The following NCOA1 variants were observed in gnomAD, a reference collection of about 807,000 sequenced individuals.
The protein encoded by NCOA1 is nuclear receptor coactivator 1, also known as Hin-2 protein.
In NCOA1, 35 loss-of-function variants were observed where a neutral mutation model predicts 150.9. The ratio of observed to expected loss-of-function variants is 0.23; its 90% CI spans 0.18 to 0.31. The LOEUF (loss-of-function observed/expected upper bound fraction) is 0.31, where lower values mean the gene tolerates loss of function less well. Ranked by LOEUF, NCOA1 falls within the 10% of genes least tolerant of loss-of-function variation. The pLI is 1.00. For missense variants in NCOA1, 1,491 were observed against 1,749.3 expected (o/e 0.85, Z 2.63); for synonymous variants, 590 against 630.0 (o/e 0.94, Z 0.95).
intron 3 of NCOA1, among the ~76,000 whole-genome samples, chr2:24,603,133 G>A (rs139496319): frequency 6.6e-5 from 10 of 152,208 alleles, no homozygotes; most frequent in African/African-American, 1.2e-4. Context: ...TAAAAGTTAC[G>A]TTTATGCTAT....
chr2:24,747,810 G>GA (rs59231013), intron 19 of NCOA1, among the ~76,000 whole-genome samples: 26 of 149,892 alleles, frequency 1.7e-4, no homozygotes, highest in East Asian at 9.8e-4. Context: ...AGTCATAAAT[G>GA]AAAAAAAAAA....
At chr2:24,728,999 A>G (rs1662854599) in intron 16 of NCOA1, among the ~76,000 whole-genome samples, 1 of 152,264 alleles carries the variant, frequency 6.6e-6, no homozygotes, top group Admixed American at 6.5e-5. Context: ...GCACACGCGC[A>G]CGCGCGCAAT....
rs188584554 is a variant in NCOA1, at chr2:24,707,968, A to G, written c.2418+80A>G. The G allele has an allele frequency of 7.6e-6, 11 of 1,445,968 alleles. No individual in the cohort carries two copies. The East Asian group carries it at 2.4e-4, about 32-fold the overall frequency. The allele number at this position is 1,445,968 out of a possible 1,614,324, so 89.6% of individuals were successfully genotyped here. The stretch of plus-strand genomic sequence containing the variant: ...TTATTCTATTCCATCTGTAGACCAG[A>G]TATGAATTCATACTATGTTTTATCC... On this transcript the variant is annotated intron_variant, in intron 13 of 22. Coordinates refer to ENST00000348332, the MANE Select transcript of NCOA1 (RefSeq NM_003743.5).
chr2:24,659,389 T>C (rs994274968), intron 5 of NCOA1, among the ~76,000 whole-genome samples: 2 of 152,184 alleles, frequency 1.3e-5, no homozygotes, highest in Admixed American at 1.3e-4. Context: ...ATTTGGTTTG[T>C]TATAAGGAAT....
At chr2:24,635,988 T>C (rs1669924432) in intron 3 of NCOA1, among the ~76,000 whole-genome samples, 1 of 152,170 alleles carries the variant, frequency 6.6e-6, no homozygotes, top group Non-Finnish European at 1.5e-5. Context: ...CACCTTAATA[T>C]GGAATTTACC....
At chr2:24,522,864 A>T (rs1485301551) in intron 1 of NCOA1, among the ~76,000 whole-genome samples, 1 of 152,162 alleles carries the variant, frequency 6.6e-6, no homozygotes, top group African/African-American at 2.4e-5. Context: ...TTTAGATTGC[A>T]TTTGTCTTAA....
At chr2:24,509,310 G>A (rs1430615595) in intron 1 of NCOA1, among the ~76,000 whole-genome samples, 5 of 152,194 alleles carry the variant, frequency 3.3e-5, no homozygotes, top group African/African-American at 1.2e-4. Context: ...TCAAGCCCTT[G>A]CTTGACTCCA....
rs956316306 is a variant in NCOA1 at position 24,725,782 on chromosome 2, A to G, written c.2600-807A>G. 2.6e-5 allele frequency among the ~76,000 whole-genome samples: 4 copies of G among 151,820 alleles called. No individual in the cohort carries two copies. In the East Asian group the frequency reaches 7.7e-4, roughly 29 times the overall value. The stretch of plus-strand genomic sequence containing the variant: ...CCAGAATTTTTTTATATTAATATAT[A>G]TGAAATAGTTTATAAAAACAGAGTC... On this transcript the variant is annotated intron_variant, in intron 14 of 22. Coordinates refer to ENST00000348332, the MANE Select transcript of NCOA1 (RefSeq NM_003743.5).
intron 4 of NCOA1, among the ~76,000 whole-genome samples, chr2:24,658,111 C>G (rs1180470372): frequency 3.3e-5 from 5 of 152,128 alleles, no homozygotes; most frequent in African/African-American, 1.2e-4. Context: ...ACTACATAAA[C>G]AAAAGGTTAG....
intron 1 of NCOA1, among the ~76,000 whole-genome samples, chr2:24,506,550 G>A (rs934238784): frequency 3.9e-5 from 6 of 152,080 alleles, no homozygotes; most frequent in African/African-American, 1.2e-4. Context: ...ATTTTGGCTC[G>A]TTACTTTCTT....
rs1250505876 is a variant in NCOA1, at chr2:24,491,581, G to C, written c.-417G>C. 6.8e-5 allele frequency among the ~76,000 whole-genome samples: 6 copies of C among 88,230 alleles called. No homozygotes were observed. Among genetic ancestry groups the C allele is most frequent in the African/African-American group, 2.0e-4 (6 of 30,214 alleles). 57.9% of individuals were successfully genotyped at this position (88,230 alleles called of 152,430 possible). A position where few individuals can be genotyped will look rare whatever the true frequency, so the allele number is the denominator to read the frequency against. On this transcript the variant is annotated 5_prime_UTR_variant, in exon 1 of 23. Coordinates refer to ENST00000348332, the MANE Select transcript of NCOA1 (RefSeq NM_003743.5). ...GGACGAGTGCGGCGCCGGTGAGCGGGGCCCAGAGGCGGCGGCGGCAGGTGA... is the reference window on the plus strand; with the variant it reads ...GGACGAGTGCGGCGCCGGTGAGCGGCGCCCAGAGGCGGCGGCGGCAGGTGA...
intron 19 of NCOA1, among the ~76,000 whole-genome samples, chr2:24,751,758 T>G (rs550647399): frequency 1.3e-5 from 2 of 152,314 alleles, no homozygotes; most frequent in Non-Finnish European, 2.9e-5. Flanking sequence ...AGCTTACATT[T>G]ATTTCATTGG....
rs35147617 is a variant in NCOA1, at chr2:24,764,526, G to A, written c.4155+1750G>A. Among the ~76,000 whole-genome samples the A allele has an allele frequency of 2.6e-5, 4 of 152,346 alleles. No homozygotes were observed. In the South Asian group the frequency reaches 8.3e-4, roughly 32 times the overall value. ...ATGGTAGTTGTTGGAGGCTGGTGCA[G>A]AGGTAGATTTAGAAGTAGAAGGAAC... is the stretch of plus-strand genomic sequence containing the variant. On this transcript the variant is annotated intron_variant, in intron 22 of 22. Coordinates refer to ENST00000348332, the MANE Select transcript of NCOA1 (RefSeq NM_003743.5).
At chr2:24,598,728 A>T (rs1667984654) in intron 3 of NCOA1, among the ~76,000 whole-genome samples, 1 of 152,164 alleles carries the variant, frequency 6.6e-6, no homozygotes, top group South Asian at 2.1e-4. Flanking sequence ...GAAGGAAGAG[A>T]TTAAATGAAA....
rs567235906 is a variant in NCOA1 at position 24,633,012 on chromosome 2, C to G, written c.-174-10954C>G. Reference sequence around the variant, plus strand: ...AGCTTCTAATATGAATAACAGAAACCAAAATAAGCAAATAGAGAAAAACTG... The same window carrying G: ...AGCTTCTAATATGAATAACAGAAACGAAAATAAGCAAATAGAGAAAAACTG... On this transcript the variant is annotated intron_variant, in intron 3 of 22. Transcript: ENST00000348332. Among the ~76,000 whole-genome samples the G allele has an allele frequency of 6.3e-4, 95 of 151,704 alleles. 2 individuals are homozygous for G. The South Asian group carries it at 0.017, about 28-fold the overall frequency.
At chr2:24,556,706 A>G (rs974040047) in intron 1 of NCOA1, among the ~76,000 whole-genome samples, 3 of 152,154 alleles carry the variant, frequency 2.0e-5, no homozygotes, top group Non-Finnish European at 4.4e-5. Flanking sequence ...CAGGATGGCT[A>G]TTATTAAAAA....
intron 20 of NCOA1, among the ~76,000 whole-genome samples, chr2:24,752,795 T>C (rs1459440505): frequency 6.6e-6 from 1 of 152,204 alleles, no homozygotes; most frequent in African/African-American, 2.4e-5. Context: ...TAACAAAAGT[T>C]TTTAAGGCTT....
At chr2:24,509,253 TTA>T (rs1247177860) in intron 1 of NCOA1, among the ~76,000 whole-genome samples, 1 of 152,218 alleles carries the variant, frequency 6.6e-6, no homozygotes, top group African/African-American at 2.4e-5. Context: ...TTCAGAAATA[TTA>T]AAGTGTCCAA....
At chr2:24,684,976 GAA>G (rs1170597897) in intron 8 of NCOA1, among the ~76,000 whole-genome samples, 3 of 151,858 alleles carry the variant, frequency 2.0e-5, no homozygotes, top group Non-Finnish European at 4.4e-5. Context: ...GAAAATTAAG[GAA>G]AGAGACCAAG....
Sources: gnomAD v4.1 joint callset for allele counts (sites outside exome capture counted in the v4.1 genomes callset) on GRCh38, gnomAD v4.1.1 for gene constraint, MANE v1.5 for transcripts, NCBI Gene and HGNC (gene_info 2026-07-23, HGNC 2026-07-21) for gene names.